The following XPR1 variants were observed in gnomAD, a reference collection of about 807,000 sequenced individuals.
XPR1 encodes solute carrier family 53 member 1.
In XPR1, 28 loss-of-function variants were observed where a neutral mutation model predicts 87.5. The observed-to-expected ratio is 0.32, with a 90% CI of 0.24 to 0.44. The LOEUF is 0.44. Ranked by LOEUF, XPR1 falls within the 20% of genes least tolerant of loss-of-function variation. The pLI, the probability that XPR1 is intolerant of heterozygous loss-of-function variation, is 1.00. For synonymous variants in XPR1, 300 were observed against 306.1 expected, an observed-to-expected ratio of 0.98 and a Z score of 0.21; for missense variants, 559 against 862.3, an observed-to-expected ratio of 0.65 and a Z score of 4.41.
chr1:180,845,580 G>T (rs1651654145), intron 11 of XPR1, among the ~76,000 whole-genome samples: 1 of 152,206 alleles, frequency 6.6e-6, no homozygotes, highest in Non-Finnish European at 1.5e-5. Context: ...GCAGTGAGTA[G>T]CTTGGTCATA....
At chr1:180,876,314 G>A (rs933145686) in intron 13 of XPR1, among the ~76,000 whole-genome samples, 11 of 152,240 alleles carry the variant, frequency 7.2e-5, no homozygotes, top group Non-Finnish European at 1.2e-4. Context: ...AGTTAGGTTC[G>A]TTCTAGGAAT....
At chr1:180,708,909 T>TGGGGGG (rs34223946) in intron 2 of XPR1, among the ~76,000 whole-genome samples, 4 of 23,740 alleles carry the variant, frequency 1.7e-4, no homozygotes, top group Non-Finnish European at 3.0e-4. Context: ...TTTTTTTTTT[T>TGGGGGG]GGGGGGGGGG....
At chr1:180,729,591 A>T (rs1309579687) in intron 2 of XPR1, among the ~76,000 whole-genome samples, 1 of 152,212 alleles carries the variant, frequency 6.6e-6, no homozygotes, top group African/African-American at 2.4e-5. Context: ...TAATAATGCC[A>T]TGCTGACTGG....
intron 1 of XPR1, among the ~76,000 whole-genome samples, chr1:180,664,671 C>A (rs909650997): frequency 2.0e-5 from 3 of 152,160 alleles, no homozygotes; most frequent in Admixed American, 2.0e-4. Flanking sequence ...GGTCACGTGT[C>A]CCCCCAGTCG....
Position 180,865,443 on chromosome 1 carries a change from C to T in XPR1, c.1668+1569C>T, listed in dbSNP as rs141016558. Among the ~76,000 whole-genome samples, 375 of 151,530 alleles carry T rather than the reference C, an allele frequency of 2.5e-3. 4 individuals are homozygous for T. The highest frequency in any genetic ancestry group is 0.023 in the East Asian group (118 of 5,150). ...TGAGACAGAGTCTTGCTCTGTCACC[C>T]AGGCTAGAGTGCAGTGGCACGATCT... On this transcript the variant is annotated intron_variant, in intron 12 of 14. Transcript: ENST00000367590.
At chr1:180,714,349 T>TTCTCTCTCTCTCTCTCTCTC (rs71121047) in intron 2 of XPR1, among the ~76,000 whole-genome samples, 3 of 72,146 alleles carry the variant, frequency 4.2e-5, no homozygotes, top group South Asian at 6.0e-4. Flanking sequence ...TTTTTCCCTG[T>TTCTCTCTCTCTCTCTCTCTC]TCTCTCTCTC....
chr1:180,704,536 A>G (rs1657485586), intron 2 of XPR1, among the ~76,000 whole-genome samples: 3 of 151,116 alleles, frequency 2.0e-5, no homozygotes, highest in African/African-American at 4.8e-5. Flanking sequence ...CATTTTTCCA[A>G]AGATGACCAG....
chr1:180,841,077 G>A (rs1571886892), intron 11 of XPR1, among the ~76,000 whole-genome samples: 1 of 151,956 alleles, frequency 6.6e-6, no homozygotes, highest in African/African-American at 2.4e-5. Context: ...TTTTAGACAT[G>A]GCTTAAAATG....
intron 2 of XPR1, among the ~76,000 whole-genome samples, chr1:180,747,944 CAACCA>C (rs1275421271): frequency 2.0e-5 from 3 of 152,138 alleles, no homozygotes; most frequent in African/African-American, 7.2e-5. Context: ...AGAAGAACAA[CAACCA>C]AAACAAAACA....
At chr1:180,774,643 G>A (rs1648642444) in intron 2 of XPR1, among the ~76,000 whole-genome samples, 2 of 151,662 alleles carry the variant, frequency 1.3e-5, no homozygotes, top group African/African-American at 4.8e-5. Context: ...TCCTGACCTC[G>A]TGATCTGCCT....
chr1:180,739,663 A>G (rs1658854259), intron 2 of XPR1, among the ~76,000 whole-genome samples: 1 of 152,144 alleles, frequency 6.6e-6, no homozygotes, highest in East Asian at 1.9e-4. Flanking sequence ...TTTATACCCA[A>G]TTATTTCCTT....
In XPR1 at chr1:180,770,991, G is replaced by T. The variant is rs143226641; in HGVS notation, c.122-16762G>T. On this transcript the variant is annotated intron_variant, in intron 2 of 14. Transcript: ENST00000367590. Reference sequence around the variant, plus strand: ...ATAATGGGTTAGTGCCTGTCGATGTGCTCCCCTAGCATTCTGTGCCTTCCT... The same window carrying T: ...ATAATGGGTTAGTGCCTGTCGATGTTCTCCCCTAGCATTCTGTGCCTTCCT... Among the ~76,000 whole-genome samples the T allele has an allele frequency of 2.5e-3, 388 of 152,242 alleles. 2 individuals carry two copies. The highest frequency in any genetic ancestry group is 5.4e-3 in the South Asian group (26 of 4,820).
At chr1:180,840,165 G>A (rs538780208) in intron 11 of XPR1, among the ~76,000 whole-genome samples, 588 of 144,620 alleles carry the variant, frequency 4.1e-3, no homozygotes, top group Middle Eastern at 0.014. Flanking sequence ...GGAGCTTGCA[G>A]TGAGCCGAGA....
Position 180,658,759 on chromosome 1 carries a change from C to T in XPR1, c.70-23601C>T, listed in dbSNP as rs989043353. ...TTTTTTTTTGTATTTTTAGTAGAGA[C>T]GGGGTTTCATCGTGTTAGGCAGGAT... On this transcript the variant is annotated intron_variant, in intron 1 of 14. Transcript: ENST00000367590. 1.1e-4 allele frequency among the ~76,000 whole-genome samples: 16 copies of T among 149,998 alleles called. No individual in the cohort carries two copies. In the East Asian group the frequency reaches 2.4e-3, roughly 22 times the overall value.
intron 2 of XPR1, among the ~76,000 whole-genome samples, chr1:180,710,131 A>T (rs1380302157): frequency 6.7e-6 from 1 of 149,804 alleles, no homozygotes; most frequent in African/African-American, 2.5e-5. Context: ...TGACCTTGTG[A>T]TCTCCCCGTC....
At chr1:180,836,464 T>C in intron 10 of XPR1, 58 bp from the exon 11 acceptor site, 1 of 1,597,714 alleles carries the variant, frequency 6.3e-7, no homozygotes, top group Non-Finnish European at 8.5e-7. Context: ...TATGGCTAAA[T>C]GATGTGAACA....
At chr1:180,754,077 T>C (rs1448502826) in intron 2 of XPR1, among the ~76,000 whole-genome samples, 1 of 152,228 alleles carries the variant, frequency 6.6e-6, no homozygotes, top group Non-Finnish European at 1.5e-5. Context: ...CTCTCGACAC[T>C]TGTTCAACTA....
intron 1 of XPR1, among the ~76,000 whole-genome samples, chr1:180,656,384 C>CATTATATATAAT (rs1655475551): frequency 2.5e-5 from 2 of 80,340 alleles, no homozygotes; most frequent in East Asian, 3.3e-4. Flanking sequence ...ATATAATATT[C>CATTATATATAAT]ATGTATTTAT....
intron 1 of XPR1, among the ~76,000 whole-genome samples, chr1:180,648,446 A>G (rs1333718864): frequency 1.3e-5 from 2 of 152,244 alleles, no homozygotes; most frequent in South Asian, 2.1e-4. Context: ...AGAAATGCAA[A>G]TATGTGGACC....
Sources: gnomAD v4.1 joint callset for allele counts (sites outside exome capture counted in the v4.1 genomes callset) on GRCh38, gnomAD v4.1.1 for gene constraint, MANE v1.5 for transcripts, NCBI Gene and HGNC (gene_info 2026-07-23, HGNC 2026-07-21) for gene names.